SPATA6L: variants seen among roughly 807,000 people sequenced by gnomAD.
SPATA6L encodes the protein spermatogenesis associated 6 like.
SPATA6L carries 68 observed loss-of-function variants against 49.2 expected under a neutral mutation model. The ratio of observed to expected loss-of-function variants is 1.38; its 90% CI spans 1.14 to 1.69. The LOEUF (loss-of-function observed/expected upper bound fraction) is 1.69, where lower values mean the gene tolerates loss of function less well. SPATA6L is among the 40% of genes most tolerant of loss of function. The pLI is 0.00. For missense variants in SPATA6L, 668 were observed against 464.3 expected, an observed-to-expected ratio of 1.44 and a Z score of -4.03; for synonymous variants, 198 against 165.7, an observed-to-expected ratio of 1.19 and a Z score of -1.50.
Position 4,625,502 on chromosome 9 carries a change from G to T in SPATA6L, c.494C>A (p.Thr165Asn). The T allele has an allele frequency of 6.2e-7, 1 of 1,613,590 alleles. No homozygotes were observed. The highest frequency in any genetic ancestry group is 1.1e-5 in the South Asian group (1 of 90,990). Residue 165 changes from threonine to asparagine, a missense_variant, in exon 6 of 12, where the codon ACT (threonine) becomes AAT (asparagine). Coordinates refer to ENST00000682582, the MANE Select transcript of SPATA6L (RefSeq NM_001353486.2). ...TSHEPIFPLN[T>N]IKMKLKENNL... Reference sequence around the variant, plus strand: ...ATTCTCCTTTAGTTTCATCTTTATAGTATTTAAGGGAAATATTGGTTCATG... The same window carrying T: ...ATTCTCCTTTAGTTTCATCTTTATATTATTTAAGGGAAATATTGGTTCATG...
At chr9:4,660,131 A>C (rs1196021712) in intron 2 of SPATA6L, among the ~76,000 whole-genome samples, 2 of 152,260 alleles carry the variant, frequency 1.3e-5, no homozygotes, top group Non-Finnish European at 2.9e-5. Context: ...CAAGGACTTC[A>C]TGACTAAAAC....
chr9:4,623,101 G>C (rs4742021), intron 6 of SPATA6L, among the ~76,000 whole-genome samples: 14,214 of 152,118 alleles, frequency 0.093, 870 homozygotes, highest in East Asian at 0.3. Context: ...CCAGCATGGA[G>C]AAACCCCGTC....
chr9:4,633,915 A>C, intron 4 of SPATA6L, among the ~76,000 whole-genome samples: 1 of 152,340 alleles, frequency 6.6e-6, no homozygotes. Flanking sequence ...AATTTGATTA[A>C]GTTAATTGTA....
At position 4,635,278 on chromosome 9, in the gene SPATA6L, A is replaced by G; in HGVS notation, c.348T>C (p.Phe116=). Reference sequence around the variant, plus strand: ...CAGATGAGCATGAATCACTTACTGGAAAACCCAGAGCCGTCTTCATGAGCA... The same window carrying G: ...CAGATGAGCATGAATCACTTACTGGGAAACCCAGAGCCGTCTTCATGAGCA... The part of the protein sequence containing the change: ...REVLMKTALG[F]PGIAPKIEFS... Residue 116 remains phenylalanine (F), a synonymous_variant, in exon 4 of 12, where the codon TTT becomes TTC. Coordinates refer to ENST00000682582, the MANE Select transcript of SPATA6L (RefSeq NM_001353486.2). 1 of 1,515,018 alleles carries G rather than the reference A, an allele frequency of 6.6e-7. No homozygotes were observed. Among genetic ancestry groups the G allele is most frequent in the Non-Finnish European group, 8.7e-7 (1 of 1,143,480 alleles). 93.8% of individuals were successfully genotyped at this position (1,515,018 alleles called of 1,614,324 possible). A position where few individuals can be genotyped will look rare whatever the true frequency, so the allele number is the denominator to read the frequency against.
intron 4 of SPATA6L, among the ~76,000 whole-genome samples, chr9:4,629,753 A>ATGTG (rs1238760966): frequency 5.4e-5 from 6 of 111,102 alleles, no homozygotes; most frequent in Admixed American, 4.4e-4. Flanking sequence ...TGTGTTTTAT[A>ATGTG]TATGTGTGTG....
At chr9:4,633,868 T>G (rs1832194318) in intron 4 of SPATA6L, 1 of 152,236 alleles carries the variant, frequency 6.6e-6, no homozygotes, top group Admixed American at 6.5e-5. Flanking sequence ...TGAGAGAAAT[T>G]GAGTCCCTCT....
chr9:4,666,118 A>C (rs1266184753), intron 1 of SPATA6L, 94 bp downstream of exon 1: 1 of 1,053,730 alleles, frequency 9.5e-7, no homozygotes, highest in East Asian at 2.4e-5. Flanking sequence ...TGTTTGTGGT[A>C]AGTGGGGGAT....
Position 4,604,205 on chromosome 9 carries a change from G to A in SPATA6L, c.1154C>T (p.Ser385Leu), listed in dbSNP as rs980685425. Reference protein sequence around the residue: ...ERPSYPLKKYSLHEQRYF With the variant: ...ERPSYPLKKYLLHEQRYF The stretch of plus-strand genomic sequence containing the variant: ...TTAAAAATATCTCTGTTCATGCAGT[G>A]AGTATTTCTTCAGAGGGTAGCTTGG... The change falls in exon 11 of 12, where the codon TCA (serine) becomes TTA (leucine). Residue 385 changes from serine (S) to leucine (L), a missense_variant. Physicochemically the swap from Ser to Leu is moderately radical, Grantham distance 145. Coordinates refer to ENST00000682582, the MANE Select transcript of SPATA6L (RefSeq NM_001353486.2). The A allele has an allele frequency of 2.5e-6, 4 of 1,611,526 alleles. No homozygotes were observed. Among genetic ancestry groups the A allele is most frequent in the Non-Finnish European group, 2.5e-6 (3 of 1,178,212 alleles).
chr9:4,601,377 T>TTG (rs1823222252), intron 11 of SPATA6L, among the ~76,000 whole-genome samples: 1 of 151,144 alleles, frequency 6.6e-6, no homozygotes, highest in South Asian at 2.1e-4. Context: ...GGTTTTTTTT[T>TTG]TTGTTTGGTT....
intron 3 of SPATA6L, 51 bp downstream of exon 3, chr9:4,655,990 A>T (rs116646960): frequency 2.9e-6 from 4 of 1,398,480 alleles, no homozygotes; most frequent in African/African-American, 2.9e-5. Context: ...GAATCTGTGA[A>T]TTACACACAA....
rs564579564 is a variant in SPATA6L, at chr9:4,601,473, C to T, written c.*2-664G>A. 3.3e-5 allele frequency among the ~76,000 whole-genome samples: 5 copies of T among 151,994 alleles called. No individual in the cohort carries two copies. The East Asian group carries it at 9.7e-4, about 29-fold the overall frequency. On this transcript the variant is annotated intron_variant, in intron 11 of 11. Transcript: ENST00000682582. The stretch of plus-strand genomic sequence containing the variant: ...CTGTTTATACCAAAAGTACCAAGTC[C>T]CAAAAGATCCAGAAATAGATGTATT...
intron 9 of SPATA6L, chr9:4,617,291 C>T (rs920277431): frequency 4.6e-5 from 7 of 152,112 alleles, no homozygotes; most frequent in African/African-American, 1.4e-4. Flanking sequence ...GCCACTTCCC[C>T]GAAGTTAAAG....
intron 7 of SPATA6L, among the ~76,000 whole-genome samples, chr9:4,621,000 CCA>C (rs1306441605): frequency 2.0e-5 from 3 of 152,194 alleles, no homozygotes; most frequent in African/African-American, 7.2e-5. Flanking sequence ...CAAACAGCTA[CCA>C]CAGTCTAAGA....
At chr9:4,621,842 C>T (rs1829379617) in intron 7 of SPATA6L, among the ~76,000 whole-genome samples, 1 of 152,062 alleles carries the variant, frequency 6.6e-6, no homozygotes, top group Non-Finnish European at 1.5e-5. Flanking sequence ...AACATGCTAA[C>T]TACTGATATT....
rs568281577 is a variant in SPATA6L, at chr9:4,617,798, T to G, written c.995+125A>C. The G allele has an allele frequency of 4.0e-6, 3 of 747,740 alleles. No individual in the cohort carries two copies. The South Asian group carries it at 1.0e-4, about 26-fold the overall frequency. The allele number at this position is 747,740 out of a possible 1,614,324, so 46.3% of individuals were successfully genotyped here. A position where few individuals can be genotyped will look rare whatever the true frequency, so the allele number is the denominator to read the frequency against. On this transcript the variant is annotated intron_variant, in intron 9 of 11. Coordinates refer to ENST00000682582, the MANE Select transcript of SPATA6L (RefSeq NM_001353486.2). ...GGTAGATTTTAAAAGAAATAATCATTTTTTCATATCAAGGTGTCACCAGCT... is the reference window on the plus strand; with the variant it reads ...GGTAGATTTTAAAAGAAATAATCATGTTTTCATATCAAGGTGTCACCAGCT...
At chr9:4,613,865 G>A (rs887840869) in intron 9 of SPATA6L, among the ~76,000 whole-genome samples, 2 of 152,152 alleles carry the variant, frequency 1.3e-5, no homozygotes, top group Non-Finnish European at 2.9e-5. Flanking sequence ...TTCCAGGTGT[G>A]AGCCACCACG....
chr9:4,591,738 G>A (rs1226927546), intron 13 of SPATA6L, among the ~76,000 whole-genome samples: 1 of 152,182 alleles, frequency 6.6e-6, no homozygotes, highest in Non-Finnish European at 1.5e-5. Flanking sequence ...TGCCACTGCA[G>A]TTGATGAAAA....
intron 9 of SPATA6L, among the ~76,000 whole-genome samples, chr9:4,606,316 T>C (rs1477173071): frequency 2.8e-5 from 4 of 142,954 alleles, no homozygotes; most frequent in Non-Finnish European, 6.0e-5. Flanking sequence ...GAGGCCTGCC[T>C]GCCTCTGTAG....
At chr9:4,614,818 G>A (rs1191365290) in intron 9 of SPATA6L, among the ~76,000 whole-genome samples, 1 of 152,168 alleles carries the variant, frequency 6.6e-6, no homozygotes, top group Non-Finnish European at 1.5e-5. Context: ...CAAGTTACCA[G>A]TTTAGAGAGA....
Sources: allele counts gnomAD v4.1 joint callset (sites outside exome capture counted in the v4.1 genomes callset), GRCh38; gene constraint gnomAD v4.1.1; transcripts MANE v1.5; gene names NCBI Gene and HGNC (gene_info 2026-07-23, HGNC 2026-07-21).